NEK11: variants seen among roughly 807,000 people sequenced by gnomAD.
NEK11 encodes NIMA related kinase 11.
A neutral mutation model predicts 80.7 loss-of-function variants in NEK11; 72 were observed. That is an observed-to-expected ratio of 0.89 (90% CI 0.74 to 1.08). The LOEUF is 1.08. Among genes scored for constraint, NEK11 ranks in the 50% least tolerant of loss-of-function variants. The pLI, the probability that NEK11 is intolerant of heterozygous loss-of-function variation, is 0.00. For synonymous variants in NEK11, 251 were observed against 260.7 expected (o/e 0.96, Z 0.36); for missense variants, 764 against 763.6 (o/e 1.00, Z -0.01).
intron 10 of NEK11, among the ~76,000 whole-genome samples, chr3:131,160,452 C>A: frequency 6.6e-6 from 1 of 152,222 alleles, no homozygotes; most frequent in South Asian, 2.1e-4. Context: ...AAGGAAAGAC[C>A]ATTACCAGCC....
intron 17 of NEK11, among the ~76,000 whole-genome samples, chr3:131,331,151 G>A (rs2110047171): frequency 6.6e-6 from 1 of 152,304 alleles, no homozygotes; most frequent in South Asian, 2.1e-4. Flanking sequence ...TGCAAGTTTT[G>A]CAGTGCCATT....
intron 16 of NEK11, among the ~76,000 whole-genome samples, chr3:131,250,643 A>G (rs2095683594): frequency 6.6e-6 from 1 of 152,112 alleles, no homozygotes; most frequent in Non-Finnish European, 1.5e-5. Flanking sequence ...ATGAGAGTAA[A>G]GAAAGGTCAC....
chr3:131,224,086 T>C (rs1278060269), intron 14 of NEK11, among the ~76,000 whole-genome samples: 6 of 152,158 alleles, frequency 3.9e-5, no homozygotes, highest in Non-Finnish European at 8.8e-5. Context: ...CATCATAACA[T>C]TGCAGAGCAA....
intron 3 of NEK11, among the ~76,000 whole-genome samples, chr3:131,045,291 G>C (rs760732945): frequency 3.3e-5 from 5 of 152,188 alleles, no homozygotes; most frequent in Non-Finnish European, 7.3e-5. Flanking sequence ...GGGCATTTAA[G>C]TCTATGAATT....
At chr3:131,349,196 C>A (rs2097415365) in intron 17 of NEK11, among the ~76,000 whole-genome samples, 1 of 152,058 alleles carries the variant, frequency 6.6e-6, no homozygotes, top group South Asian at 2.1e-4. Flanking sequence ...TTCTTCATTG[C>A]ACTTAGAACC....
chr3:131,312,196 A>T (rs1446163259), intron 17 of NEK11, among the ~76,000 whole-genome samples: 19 of 152,138 alleles, frequency 1.2e-4, no homozygotes, highest in Admixed American at 1.2e-3. Context: ...TTGGACTCCG[A>T]TTTTTCTTGC....
chr3:131,074,871 C>T (rs574851387), intron 3 of NEK11, among the ~76,000 whole-genome samples: 1 of 152,272 alleles, frequency 6.6e-6, no homozygotes, highest in African/African-American at 2.4e-5. Context: ...TATTTATATA[C>T]TTGTTGGCCT....
At chr3:131,333,844 A>G (rs1221593829) in intron 17 of NEK11, among the ~76,000 whole-genome samples, 1 of 152,214 alleles carries the variant, frequency 6.6e-6, no homozygotes, top group Non-Finnish European at 1.5e-5. Flanking sequence ...CAGACTTTAA[A>G]CCAACAAAGA....
In NEK11 at chr3:131,300,246, ATTTG is replaced by A. The variant is rs950936502; in HGVS notation, c.1718+26676_1718+26679del. ...GGGGTTGTTGGTTTTTTGCTTGCTG[ATTTG>A]TTTAAGTTCCTTATAGATTGTGAAT... On this transcript the variant is annotated intron_variant, in intron 17 of 17. Transcript: ENST00000383366. 5.7e-4 allele frequency among the ~76,000 whole-genome samples: 87 copies of A among 152,004 alleles called. 1 individual carries two copies. Among genetic ancestry groups the A allele is most frequent in the African/African-American group, 1.9e-3 (77 of 41,462 alleles).
chr3:131,300,453 C>G (rs1417140889), intron 17 of NEK11, among the ~76,000 whole-genome samples: 1 of 152,060 alleles, frequency 6.6e-6, no homozygotes, highest in Non-Finnish European at 1.5e-5. Context: ...AAATCTTTGC[C>G]AAGGCCTATG....
chr3:131,074,417 C>G (rs1298110841), intron 3 of NEK11, among the ~76,000 whole-genome samples: 1 of 152,098 alleles, frequency 6.6e-6, no homozygotes, highest in African/African-American at 2.4e-5. Flanking sequence ...AATACTCCTC[C>G]TCCCTGTAAC....
intron 3 of NEK11, among the ~76,000 whole-genome samples, chr3:131,065,698 A>T (rs1471018103): frequency 6.6e-6 from 1 of 152,042 alleles, no homozygotes; most frequent in Non-Finnish European, 1.5e-5. Context: ...TGAGGATTTG[A>T]TTTTCCTGAC....
chr3:131,257,712 C>T (rs997572798), intron 16 of NEK11, among the ~76,000 whole-genome samples: 6 of 152,100 alleles, frequency 3.9e-5, no homozygotes, highest in African/African-American at 1.2e-4. Context: ...AAAGTGAGAA[C>T]GCATCCTGGT....
At chr3:131,251,799 G>C (rs1023185159) in intron 16 of NEK11, among the ~76,000 whole-genome samples, 1 of 152,014 alleles carries the variant, frequency 6.6e-6, no homozygotes, top group Non-Finnish European at 1.5e-5. Flanking sequence ...TATGTTACCA[G>C]AACAGTAGAA....
intron 7 of NEK11, among the ~76,000 whole-genome samples, chr3:131,147,010 T>G (rs1310176707): frequency 6.6e-6 from 1 of 152,124 alleles, no homozygotes; most frequent in Non-Finnish European, 1.5e-5. Context: ...TGGTGTCTTT[T>G]TATGAGTAGA....
intron 16 of NEK11, among the ~76,000 whole-genome samples, chr3:131,248,843 G>A (rs1239326827): frequency 1.3e-5 from 2 of 152,098 alleles, no homozygotes; most frequent in African/African-American, 4.8e-5. Context: ...ATTAGATGCA[G>A]ACCCTGTTCT....
intron 17 of NEK11, among the ~76,000 whole-genome samples, chr3:131,331,674 G>A (rs1057121760): frequency 2.6e-5 from 4 of 152,220 alleles, no homozygotes; most frequent in African/African-American, 7.2e-5. Context: ...TGCCTCACTC[G>A]GGAAGCGCAA....
At chr3:131,116,084 G>A (rs1353761115) in intron 5 of NEK11, among the ~76,000 whole-genome samples, 5 of 151,246 alleles carry the variant, frequency 3.3e-5, no homozygotes, top group South Asian at 2.1e-4. Flanking sequence ...CCATTAACTC[G>A]TCATTTACAT....
At chr3:131,323,020 A>C (rs1422169772) in intron 17 of NEK11, among the ~76,000 whole-genome samples, 1 of 152,200 alleles carries the variant, frequency 6.6e-6, no homozygotes, top group Non-Finnish European at 1.5e-5. Context: ...CCCATGCCTG[A>C]GATCCTACTC....
Sources: gnomAD v4.1 joint callset for allele counts (sites outside exome capture counted in the v4.1 genomes callset) on GRCh38, gnomAD v4.1.1 for gene constraint, MANE v1.5 for transcripts, NCBI Gene and HGNC (gene_info 2026-07-23, HGNC 2026-07-21) for gene names.